PEBP4: variants seen among roughly 807,000 people sequenced by gnomAD.
The protein encoded by PEBP4 is phosphatidylethanolamine binding protein 4, also known as phosphatidylethanolamine-binding protein 4.
In PEBP4, 22 loss-of-function variants were observed where a neutral mutation model predicts 23.9. The ratio of observed to expected loss-of-function variants is 0.92; its 90% CI spans 0.66 to 1.31. PEBP4 has a LOEUF of 1.31. Among genes scored for constraint, PEBP4 ranks in the 40% most tolerant of loss-of-function variants. The pLI is 0.00. For synonymous variants in PEBP4, 112 were observed against 99.3 expected, an observed-to-expected ratio of 1.13 and a Z score of -0.76; for missense variants, 324 against 281.7, an observed-to-expected ratio of 1.15 and a Z score of -1.07.
At chr8:22,773,747 C>T (rs180830827) in intron 4 of PEBP4, among the ~76,000 whole-genome samples, 61 of 152,270 alleles carry the variant, frequency 4.0e-4, no homozygotes, top group African/African-American at 1.4e-3. Context: ...CTAGCCACAC[C>T]TCTGTTCCCT....
At chr8:22,890,757 G>C (rs1808477289) in intron 3 of PEBP4, among the ~76,000 whole-genome samples, 1 of 152,218 alleles carries the variant, frequency 6.6e-6, no homozygotes, top group Admixed American at 6.5e-5. Context: ...CTTGGTCTTA[G>C]GCAAGTTACT....
chr8:22,769,330 A>C (rs1023450259), intron 4 of PEBP4, among the ~76,000 whole-genome samples: 3 of 152,198 alleles, frequency 2.0e-5, no homozygotes, highest in East Asian at 1.9e-4. Flanking sequence ...TCTGGGGCTT[A>C]TCTCAGAGTC....
chr8:22,921,990 C>T (rs547271427), intron 2 of PEBP4, among the ~76,000 whole-genome samples: 1 of 152,302 alleles, frequency 6.6e-6, no homozygotes, highest in African/African-American at 2.4e-5. Context: ...CCCATAACCC[C>T]TCTCCCCTTT....
intron 3 of PEBP4, among the ~76,000 whole-genome samples, chr8:22,917,718 C>T (rs1420096092): frequency 6.6e-6 from 1 of 152,238 alleles, no homozygotes; most frequent in African/African-American, 2.4e-5. Context: ...CTCCTCTACT[C>T]TCAGTCCTTG....
At chr8:22,848,660 G>C (rs1807490616) in intron 3 of PEBP4, among the ~76,000 whole-genome samples, 1 of 152,076 alleles carries the variant, frequency 6.6e-6, no homozygotes, top group African/African-American at 2.4e-5. Context: ...CAGGTGGGAG[G>C]GAGGAGAGAG....
intron 2 of PEBP4, among the ~76,000 whole-genome samples, chr8:22,921,956 T>C (rs1194466118): frequency 6.6e-6 from 1 of 152,192 alleles, no homozygotes. Context: ...GGAGGTAAAC[T>C]GAGGGTGGAG....
intron 4 of PEBP4, among the ~76,000 whole-genome samples, chr8:22,810,502 C>A (rs752500881): frequency 6.6e-6 from 1 of 152,076 alleles, no homozygotes; most frequent in Non-Finnish European, 1.5e-5. Context: ...CAGTGAAAAG[C>A]CCGGGTTCCT....
At chr8:22,766,833 G>T (rs1333158195) in intron 4 of PEBP4, among the ~76,000 whole-genome samples, 1 of 152,204 alleles carries the variant, frequency 6.6e-6, no homozygotes. Flanking sequence ...GTCCACCCAG[G>T]TGGGTCACAG....
At chr8:22,889,534 G>A (rs1429091270) in intron 3 of PEBP4, among the ~76,000 whole-genome samples, 2 of 152,208 alleles carry the variant, frequency 1.3e-5, no homozygotes, top group East Asian at 3.8e-4. Flanking sequence ...AGTCGTCAAA[G>A]CACAGCCAAG....
At chr8:22,747,441 C>T (rs1440155942) in intron 4 of PEBP4, 1 of 152,212 alleles carries the variant, frequency 6.6e-6, no homozygotes, top group Non-Finnish European at 1.5e-5. Context: ...GGCAAGTCAC[C>T]AGATCTGTGG....
chr8:22,727,133 G>A, intron 5 of PEBP4, 42 bp downstream of exon 5: 1 of 1,606,940 alleles, frequency 6.2e-7, no homozygotes, highest in Non-Finnish European at 8.5e-7. Context: ...GATCGTCACT[G>A]ATGCCCTGGC....
At chr8:22,718,974 C>T (rs1200848296) in intron 6 of PEBP4, among the ~76,000 whole-genome samples, 7 of 152,154 alleles carry the variant, frequency 4.6e-5, no homozygotes, top group Admixed American at 2.6e-4. Context: ...GCCCTTGGCC[C>T]CATGATTCCC....
chr8:22,922,288 C>T (rs545369535), intron 2 of PEBP4, among the ~76,000 whole-genome samples: 35 of 152,166 alleles, frequency 2.3e-4, no homozygotes, highest in Non-Finnish European at 4.0e-4. Flanking sequence ...GAGAAGGACA[C>T]GGAGACAAAT....
intron 3 of PEBP4, among the ~76,000 whole-genome samples, chr8:22,821,754 G>A (rs1312926406): frequency 5.3e-5 from 8 of 152,006 alleles, no homozygotes; most frequent in East Asian, 1.9e-4. Context: ...GGGAGGCTGA[G>A]GTGGACGGAT....
intron 2 of PEBP4, among the ~76,000 whole-genome samples, chr8:22,922,621 C>A (rs1163004281): frequency 4.0e-5 from 6 of 151,414 alleles, no homozygotes; most frequent in Non-Finnish European, 8.8e-5. Context: ...TGCCTGTGTT[C>A]CCAGCTACTT....
At chr8:22,895,255 C>G (rs1585329819) in intron 3 of PEBP4, among the ~76,000 whole-genome samples, 1 of 152,076 alleles carries the variant, frequency 6.6e-6, no homozygotes, top group Non-Finnish European at 1.5e-5. Context: ...TGAATGGCAT[C>G]CTATACTAAA....
chr8:22,856,059 A>AG (rs1585308807), intron 3 of PEBP4, among the ~76,000 whole-genome samples: 1 of 151,214 alleles, frequency 6.6e-6, no homozygotes, highest in East Asian at 1.9e-4. Context: ...AAAAAAAAAA[A>AG]AAAAAAAAGG....
At chr8:22,857,034 A>C (rs1229328816) in intron 3 of PEBP4, among the ~76,000 whole-genome samples, 2 of 152,210 alleles carry the variant, frequency 1.3e-5, no homozygotes, top group Non-Finnish European at 2.9e-5. Flanking sequence ...ATGATGTTAA[A>C]AAAAAGCACA....
rs144293179 is a variant in PEBP4 at position 22,758,680 on chromosome 8, A to G, written c.358-31460T>C. 1.7e-3 allele frequency among the ~76,000 whole-genome samples: 266 copies of G among 152,292 alleles called. 6 individuals are homozygous for G. In the East Asian group the frequency reaches 0.036, roughly 20 times the overall value. On this transcript the variant is annotated intron_variant, in intron 4 of 6. Coordinates refer to ENST00000256404, the MANE Select transcript of PEBP4 (RefSeq NM_144962.3). ...TCTAATGATGCCTACTTCAGGGGCT[A>G]TCATGAGAATAACATGTACCCCATA...
Sources: gnomAD v4.1 joint callset for allele counts (sites outside exome capture counted in the v4.1 genomes callset) on GRCh38, gnomAD v4.1.1 for gene constraint, MANE v1.5 for transcripts, NCBI Gene and HGNC (gene_info 2026-07-23, HGNC 2026-07-21) for gene names.